ZMIZ1: variants seen among roughly 807,000 people sequenced by gnomAD.
The protein encoded by ZMIZ1 is zinc finger MIZ domain-containing protein 1.
ZMIZ1 carries 17 observed loss-of-function variants against 113.9 expected under a neutral mutation model. The ratio of observed to expected loss-of-function variants is 0.15; its 90% CI spans 0.10 to 0.22. The LOEUF is 0.22. ZMIZ1 is among the 10% of genes least tolerant of loss of function. ZMIZ1 has a pLI of 1.00. For missense variants in ZMIZ1, 1,059 were observed against 1,477.8 expected (o/e 0.72, Z 4.65); for synonymous variants, 607 against 603.1 (o/e 1.01, Z -0.09).
intron 8 of ZMIZ1, among the ~76,000 whole-genome samples, chr10:79,280,131 G>A (rs4980057): frequency 0.067 from 10,227 of 151,934 alleles, 711 homozygotes; most frequent in East Asian, 0.19. Context: ...GGGACCACAG[G>A]CATTCACCAC....
chr10:79,095,559 C>T (rs1366019009), intron 1 of ZMIZ1, among the ~76,000 whole-genome samples: 1 of 152,218 alleles, frequency 6.6e-6, no homozygotes, highest in Non-Finnish European at 1.5e-5. Context: ...AGGGAGGCCT[C>T]ATCCTTCTTA....
rs117359632 is a variant in ZMIZ1, at chr10:79,215,362, C to T, written c.175-807C>T. Among the ~76,000 whole-genome samples the T allele has an allele frequency of 7.7e-3, 1,152 of 149,964 alleles. 60 individuals carry two copies. In the East Asian group the frequency reaches 0.16, roughly 21 times the overall value. On this transcript the variant is annotated intron_variant, in intron 6 of 24. Transcript: ENST00000334512. ...CTGCCCAGGCTGGAGTGCAGTGGTG[C>T]GATCTAGGCCCACTGCAACTTCCCC...
At chr10:79,160,943 A>G (rs2132490625) in intron 3 of ZMIZ1, among the ~76,000 whole-genome samples, 1 of 152,328 alleles carries the variant, frequency 6.6e-6, no homozygotes, top group East Asian at 1.9e-4. Context: ...CTTCACAGCC[A>G]TAGCTTGAAT....
chr10:79,217,543 T>C (rs763197933), intron 7 of ZMIZ1, among the ~76,000 whole-genome samples: 1 of 152,258 alleles, frequency 6.6e-6, no homozygotes, highest in Non-Finnish European at 1.5e-5. Context: ...GTTATTTCCC[T>C]TGTATAACAA....
At chr10:79,197,622 A>ACACACG (rs1260364569) in intron 4 of ZMIZ1, among the ~76,000 whole-genome samples, 21 of 151,132 alleles carry the variant, frequency 1.4e-4, no homozygotes, top group Non-Finnish European at 2.8e-4. Flanking sequence ...ACACACACAC[A>ACACACG]CACACACACA....
At position 79,300,925 on chromosome 10, in the gene ZMIZ1, G is replaced by A. The variant is rs776428250; in HGVS notation, c.2002G>A (p.Val668Ile). ...QPGRNTIQITVTACCCSHLFV... is the reference protein window; with the variant it reads ...QPGRNTIQITITACCCSHLFV... ...GGGCCGCAACACCATCCAGATCACC[G>A]TCACGGCCTGCTGCTGCGTGAGTGT... is the stretch of plus-strand genomic sequence containing the variant. Residue 668 changes from valine to isoleucine, a missense_variant, in exon 17 of 25, where the codon GTC becomes ATC. Val to Ile is a conservative substitution (Grantham distance 29). This residue lies in a region of ZMIZ1 where 217 missense variants were observed against 426.9 expected (regional missense o/e 0.51). Coordinates refer to ENST00000334512, the MANE Select transcript of ZMIZ1 (RefSeq NM_020338.4). 4 of 1,610,934 alleles carry A rather than the reference G, an allele frequency of 2.5e-6. No homozygotes were observed. The highest frequency in any genetic ancestry group is 3.4e-6 in the Non-Finnish European group (4 of 1,179,928).
intron 7 of ZMIZ1, among the ~76,000 whole-genome samples, chr10:79,220,497 G>T (rs1848920446): frequency 6.6e-6 from 1 of 152,178 alleles, no homozygotes; most frequent in South Asian, 2.1e-4. Flanking sequence ...GGAGGCCTCT[G>T]CAGTTCCAGA....
At chr10:79,311,265 G>A in intron 24 of ZMIZ1, 81 bp downstream of exon 24, 2 of 1,507,950 alleles carry the variant, frequency 1.3e-6, no homozygotes, top group Non-Finnish European at 8.8e-7. Flanking sequence ...TGGGTGTGAG[G>A]GCTCGAGGCC....
intron 4 of ZMIZ1, among the ~76,000 whole-genome samples, chr10:79,198,760 G>T (rs1265373614): frequency 6.6e-6 from 1 of 152,250 alleles, no homozygotes; most frequent in South Asian, 2.1e-4. Context: ...GGAGCCGGGC[G>T]CAGTCGCTCA....
chr10:79,111,878 T>C (rs562918435), intron 1 of ZMIZ1, among the ~76,000 whole-genome samples: 6 of 152,280 alleles, frequency 3.9e-5, no homozygotes, highest in African/African-American at 9.6e-5. Flanking sequence ...GGTGGTTTGT[T>C]TGAGTGTTTG....
chr10:79,073,590 G>A (rs1589240941), intron 1 of ZMIZ1, among the ~76,000 whole-genome samples: 1 of 152,152 alleles, frequency 6.6e-6, no homozygotes, highest in African/African-American at 2.4e-5. Flanking sequence ...CCATAGACTC[G>A]TTCTTTCCTG....
At chr10:79,182,227 A>G (rs1847152578) in intron 4 of ZMIZ1, among the ~76,000 whole-genome samples, 1 of 152,166 alleles carries the variant, frequency 6.6e-6, no homozygotes, top group Non-Finnish European at 1.5e-5. Flanking sequence ...TCAGATGAAA[A>G]AGACAAAACT....
chr10:79,299,179 C>T lies in ZMIZ1; in HGVS notation c.1796C>T (p.Thr599Met), dbSNP rs776391232. Residue 599 changes from threonine (T) to methionine (M), a missense_variant, in exon 16 of 25, where the codon ACG becomes ATG. Transcript: ENST00000334512. The stretch of plus-strand genomic sequence containing the variant: ...CACCTGCGGCCCACGGTCCACCAGA[C>T]GCTGATGTGGAGGTGCGTGTCAGGG... ...VFHLRPTVHQ[T>M]LMWRSDLELQ... 9 of 1,605,808 alleles carry T rather than the reference C, an allele frequency of 5.6e-6. No homozygotes were observed. The highest frequency in any genetic ancestry group is 7.6e-6 in the Non-Finnish European group (9 of 1,179,140).
At chr10:79,119,328 A>G (rs185656606) in intron 2 of ZMIZ1, among the ~76,000 whole-genome samples, 123 of 152,272 alleles carry the variant, frequency 8.1e-4, no homozygotes, top group African/African-American at 2.8e-3. Flanking sequence ...ACTCTAGTCC[A>G]TGGAAATAAC....
intron 7 of ZMIZ1, among the ~76,000 whole-genome samples, chr10:79,244,608 C>T (rs1850081886): frequency 6.6e-6 from 1 of 152,190 alleles, no homozygotes; most frequent in Non-Finnish European, 1.5e-5. Context: ...GACCATCAGG[C>T]GAGACTGCCA....
At chr10:79,187,318 C>T (rs1301700845) in intron 4 of ZMIZ1, among the ~76,000 whole-genome samples, 4 of 152,178 alleles carry the variant, frequency 2.6e-5, no homozygotes, top group African/African-American at 9.7e-5. Flanking sequence ...CGGACACTGC[C>T]AGTATAGCTG....
At chr10:79,234,805 G>A (rs990082088) in intron 7 of ZMIZ1, among the ~76,000 whole-genome samples, 1 of 152,186 alleles carries the variant, frequency 6.6e-6, no homozygotes, top group African/African-American at 2.4e-5. Flanking sequence ...GTTCAATAAT[G>A]ACATTTCTTC....
At chr10:79,123,995 C>T (rs1183325226) in intron 2 of ZMIZ1, among the ~76,000 whole-genome samples, 1 of 152,248 alleles carries the variant, frequency 6.6e-6, no homozygotes, top group Non-Finnish European at 1.5e-5. Flanking sequence ...CCAGGCCCTC[C>T]ACCCCAGCCT....
At chr10:79,143,348 C>A (rs1217124397) in intron 3 of ZMIZ1, among the ~76,000 whole-genome samples, 1 of 152,102 alleles carries the variant, frequency 6.6e-6, no homozygotes, top group African/African-American at 2.4e-5. Flanking sequence ...TGGAAACAGA[C>A]CCAGGAGCTT....
Sources: gnomAD v4.1 joint callset for allele counts (sites outside exome capture counted in the v4.1 genomes callset) on GRCh38, gnomAD v4.1.1 for gene constraint, gnomAD v4.1.1 regional missense constraint, MANE v1.5 for transcripts, NCBI Gene and HGNC (gene_info 2026-07-23, HGNC 2026-07-21) for gene names.